The following NMT1 variants were observed in gnomAD, a reference collection of about 807,000 sequenced individuals.
The protein encoded by NMT1 is glycylpeptide N-tetradecanoyltransferase 1.
Under a neutral mutation model 63.4 loss-of-function variants are expected in NMT1, and 12 were observed. The observed-to-expected ratio is 0.19, with a 90% CI of 0.12 to 0.31. The LOEUF (loss-of-function observed/expected upper bound fraction) is 0.31. Ranked by LOEUF, NMT1 falls within the 10% of genes least tolerant of loss-of-function variation. NMT1 has a pLI of 1.00. For synonymous variants in NMT1, 228 were observed against 234.3 expected, an observed-to-expected ratio of 0.97 and a Z score of 0.25; for missense variants, 432 against 634.6, an observed-to-expected ratio of 0.68 and a Z score of 3.43.
chr17:45,101,936 C>T (rs2054169243), intron 8 of NMT1, among the ~76,000 whole-genome samples: 2 of 152,206 alleles, frequency 1.3e-5, no homozygotes, highest in South Asian at 2.1e-4. Context: ...GCGTTCTAGG[C>T]CGGTGGGCAG....
intron 3 of NMT1, 95 bp downstream of exon 3, chr17:45,086,747 G>A (rs1409152382): frequency 3.0e-6 from 4 of 1,319,060 alleles, no homozygotes; most frequent in Non-Finnish European, 4.1e-6. Flanking sequence ...ACTGTAGGGA[G>A]GGCAGTAGAG....
chr17:45,066,376 C>T (rs1394572453), intron 1 of NMT1, among the ~76,000 whole-genome samples: 2 of 152,058 alleles, frequency 1.3e-5, no homozygotes. Context: ...TTACTTATGT[C>T]TCTTTGTATA....
intron 1 of NMT1, among the ~76,000 whole-genome samples, chr17:45,071,094 A>T (rs1213600640): frequency 6.6e-6 from 1 of 152,152 alleles, no homozygotes. Context: ...TACTAATAGG[A>T]TTATTAGTGA....
intron 4 of NMT1, among the ~76,000 whole-genome samples, chr17:45,095,099 C>CCACACCGGGCCAACAGAA (rs2054115694): frequency 7.7e-6 from 1 of 130,552 alleles, no homozygotes. Context: ...GCATGAGCCA[C>CCACACCGGGCCAACAGAA]TGCGCCCAGT....
intron 2 of NMT1, among the ~76,000 whole-genome samples, chr17:45,085,703 C>T (rs1220567399): frequency 6.6e-5 from 10 of 152,244 alleles, no homozygotes; most frequent in Admixed American, 6.5e-4. Context: ...AGAAACCCTG[C>T]GGGCAGCACC....
In NMT1 at chr17:45,108,062, C is replaced by T. The variant is rs2054214539; in HGVS notation, c.*2423C>T. Reference sequence around the variant, plus strand: ...GGGTCAGGGCCTCCCCACAGGAGCCCTGCAGTGTGGTAGCGCCATGGCTGT... The same window carrying T: ...GGGTCAGGGCCTCCCCACAGGAGCCTTGCAGTGTGGTAGCGCCATGGCTGT... On this transcript the variant is annotated 3_prime_UTR_variant, in exon 12 of 12. Transcript: ENST00000258960. 1 of 152,244 alleles carries T rather than the reference C, an allele frequency of 6.6e-6. No homozygotes were observed. Among genetic ancestry groups the T allele is most frequent in the Admixed American group, 6.5e-5 (1 of 15,276 alleles). 9.4% of individuals were successfully genotyped at this position (152,244 alleles called of 1,614,324 possible).
At chr17:45,062,517 A>T (rs930366000) in intron 1 of NMT1, among the ~76,000 whole-genome samples, 2 of 152,210 alleles carry the variant, frequency 1.3e-5, no homozygotes, top group Non-Finnish European at 2.9e-5. Context: ...TATAAAGACC[A>T]AGGACTGCGT....
intron 5 of NMT1, 63 bp from the exon 6 acceptor site, chr17:45,097,065 A>C (rs2054129200): frequency 7.2e-7 from 1 of 1,390,412 alleles, no homozygotes; most frequent in Non-Finnish European, 1.0e-6. Flanking sequence ...TTGGCTGTGG[A>C]GCCCAAGCGG....
chr17:45,074,044 A>G (rs2053960875), intron 1 of NMT1, among the ~76,000 whole-genome samples: 1 of 152,124 alleles, frequency 6.6e-6, no homozygotes, highest in African/African-American at 2.4e-5. Context: ...TTCATCTGCC[A>G]GCTTACCCTT....
rs756082410 is a variant in NMT1 at position 45,061,364 on chromosome 17, C to A, written c.35C>A (p.Pro12Gln). ...ADESETAVKP[P>Q]APPLPQMMEG... ...GAGAGTGAGACAGCAGTGAAGCCGC[C>A]GGCACCTCCGCTGCCGCAGATGATG... The change falls in exon 1 of 12, where the codon CCG becomes CAG. Residue 12 changes from proline (P) to glutamine (Q), a missense_variant. By Grantham distance (76) the Pro-to-Gln change is moderately conservative. Around this residue, in one of 4 missense-constraint regions of NMT1, gnomAD observed 121 missense variants for 103.7 expected, o/e 1.17. Coordinates refer to ENST00000258960, the MANE Select transcript of NMT1 (RefSeq NM_021079.5). 1 of 1,613,866 alleles carries A rather than the reference C, an allele frequency of 6.2e-7. No homozygotes were observed. Among genetic ancestry groups the A allele is most frequent in the South Asian group, 1.1e-5 (1 of 91,044 alleles).
rs546438804 is a variant in NMT1, at chr17:45,108,915, G to C, written c.*3276G>C. 2.6e-5 allele frequency: 4 copies of C among 152,738 alleles called. No homozygotes were observed. The highest frequency in any genetic ancestry group is 6.5e-5 in the Admixed American group (1 of 15,290). The allele number at this position is 152,738 out of a possible 1,614,324, so 9.5% of individuals were successfully genotyped here. A position where few individuals can be genotyped will look rare whatever the true frequency, so the allele number is the denominator to read the frequency against. On this transcript the variant is annotated 3_prime_UTR_variant, in exon 12 of 12. Coordinates refer to ENST00000258960, the MANE Select transcript of NMT1 (RefSeq NM_021079.5). ...TGTCTTGGCTTTTCTTTGGGCTGTG[G>C]GGGGGCATCCATTTCCAGGGTCGGG... is the stretch of plus-strand genomic sequence containing the variant.
At position 45,104,098 on chromosome 17, in the gene NMT1, T is replaced by A; in HGVS notation, c.1332+222T>A. 1 of 1,444,154 alleles carries A rather than the reference T, an allele frequency of 6.9e-7. No individual in the cohort carries two copies. The highest frequency in any genetic ancestry group is 9.1e-7 in the Non-Finnish European group (1 of 1,096,420). The allele number at this position is 1,444,154 out of a possible 1,614,324, so 89.5% of individuals were successfully genotyped here. On this transcript the variant is annotated intron_variant, in intron 10 of 11. Coordinates refer to ENST00000258960, the MANE Select transcript of NMT1 (RefSeq NM_021079.5). This position sits in a 1 kb window ranked among gnomAD's most constrained non-coding sequence, Gnocchi z 4.2. The stretch of plus-strand genomic sequence containing the variant: ...AGGCATTGAACTCCTCCTGATTCAT[T>A]TCAGTGAGTTTCGTTCTCACAGGAG...
At position 45,103,130 on chromosome 17, in the gene NMT1, G is replaced by A; in HGVS notation, c.1164+9G>A. 6.2e-7 allele frequency: 1 copy of A among 1,603,546 alleles called. No individual in the cohort carries two copies. On this transcript the variant is annotated intron_variant, in intron 9 of 11. Transcript: ENST00000258960. The surrounding 1 kb of genome is among the most constrained non-coding windows in gnomAD (Gnocchi z 4.8). Reference sequence around the variant, plus strand: ...ACACTTTCGTGGTGGAGGTGAGTCAGGGAGTGGTGTTCCAGGTCTCTAACA... The same window carrying A: ...ACACTTTCGTGGTGGAGGTGAGTCAAGGAGTGGTGTTCCAGGTCTCTAACA...
At chr17:45,064,045 C>T (rs1277994145) in intron 1 of NMT1, among the ~76,000 whole-genome samples, 1 of 151,896 alleles carries the variant, frequency 6.6e-6, no homozygotes, top group African/African-American at 2.4e-5. Flanking sequence ...ATTAGCTGGG[C>T]ATGGTGGTGC....
rs948193340 is a variant in NMT1 at position 45,103,235 on chromosome 17, G to A, written c.1164+114G>A. The stretch of plus-strand genomic sequence containing the variant: ...GCACCTTAGACTTCCTTGACCATCC[G>A]TGTTTGGTCCTCCCTAAAAACAGGG... On this transcript the variant is annotated intron_variant, in intron 9 of 11. Coordinates refer to ENST00000258960, the MANE Select transcript of NMT1 (RefSeq NM_021079.5). The surrounding 1 kb of genome is among the most constrained non-coding windows in gnomAD (Gnocchi z 4.8). 97 of 1,014,274 alleles carry A rather than the reference G, an allele frequency of 9.6e-5. No homozygotes were observed. The Admixed American group carries it at 2.0e-3, about 20-fold the overall frequency. 62.8% of individuals were successfully genotyped at this position (1,014,274 alleles called of 1,614,324 possible).
At chr17:45,064,116 C>G (rs781414928) in intron 1 of NMT1, among the ~76,000 whole-genome samples, 2 of 151,774 alleles carry the variant, frequency 1.3e-5, no homozygotes, top group Non-Finnish European at 2.9e-5. Flanking sequence ...ACCCGGGAGG[C>G]GGAGGTTGCA....
intron 1 of NMT1, among the ~76,000 whole-genome samples, chr17:45,065,623 C>CAAAAA (rs397944011): frequency 4.9e-5 from 4 of 81,724 alleles, no homozygotes; most frequent in Non-Finnish European, 7.1e-5. Context: ...GACTCTGTCT[C>CAAAAA]AAAAAAAAAA....
At chr17:45,069,780 G>A (rs564717870) in intron 1 of NMT1, among the ~76,000 whole-genome samples, 1 of 151,948 alleles carries the variant, frequency 6.6e-6, no homozygotes, top group East Asian at 1.9e-4. Context: ...TCCCAAACTT[G>A]GGACCCAGTT....
intron 1 of NMT1, among the ~76,000 whole-genome samples, chr17:45,071,695 A>C (rs1292035087): frequency 6.6e-6 from 1 of 152,164 alleles, no homozygotes; most frequent in Non-Finnish European, 1.5e-5. Context: ...CATTAGAAGT[A>C]GTTACATTAG....
Sources: gnomAD v4.1 joint callset for allele counts (sites outside exome capture counted in the v4.1 genomes callset) on GRCh38, gnomAD v4.1.1 for gene constraint, gnomAD v4.1.1 regional missense constraint, Gnocchi (gnomAD v3.1) non-coding constraint, MANE v1.5 for transcripts, NCBI Gene and HGNC (gene_info 2026-07-23, HGNC 2026-07-21) for gene names.